The following CERT1 variants were observed in gnomAD, a reference collection of about 807,000 sequenced individuals.
The protein encoded by CERT1 is ceramide transfer protein.
CERT1 carries 31 observed loss-of-function variants against 87.9 expected under a neutral mutation model. The observed-to-expected ratio is 0.35, with a 90% confidence interval of 0.27 to 0.48. CERT1 has a LOEUF of 0.48. Among genes scored for constraint, CERT1 ranks in the 20% least tolerant of loss-of-function variants. The pLI is 0.99. For synonymous variants in CERT1, 289 were observed against 250.9 expected, an observed-to-expected ratio of 1.15 and a Z score of -1.44; for missense variants, 487 against 758.0, an observed-to-expected ratio of 0.64 and a Z score of 4.20.
chr5:75,481,450 G>GT (rs201564789), intron 2 of CERT1, among the ~76,000 whole-genome samples: 1,584 of 152,220 alleles, frequency 0.01, 28 homozygotes, highest in African/African-American at 0.037. Flanking sequence ...TTAAAATACG[G>GT]TAATATTTAG....
intron 6 of CERT1, among the ~76,000 whole-genome samples, chr5:75,419,025 A>G (rs1382222378): frequency 2.0e-5 from 3 of 152,346 alleles, no homozygotes; most frequent in Non-Finnish European, 4.4e-5. Context: ...CATCAACTCA[A>G]CAGAACTGAG....
At chr5:75,490,244 T>C (rs1444816808) in intron 2 of CERT1, among the ~76,000 whole-genome samples, 1 of 152,144 alleles carries the variant, frequency 6.6e-6, no homozygotes, top group Non-Finnish European at 1.5e-5. Context: ...ATACCTAGTG[T>C]AGATGACAGG....
At chr5:75,483,003 G>C (rs148572350) in intron 2 of CERT1, among the ~76,000 whole-genome samples, 2 of 152,268 alleles carry the variant, frequency 1.3e-5, no homozygotes, top group African/African-American at 4.8e-5. Context: ...ATAGCATTAA[G>C]AACATCCAGG....
At chr5:75,488,180 C>A (rs1418971826) in intron 2 of CERT1, among the ~76,000 whole-genome samples, 4 of 151,760 alleles carry the variant, frequency 2.6e-5, no homozygotes, top group Non-Finnish European at 5.9e-5. Flanking sequence ...ATTTACTGTA[C>A]ATTTAAAAAT....
intron 7 of CERT1, among the ~76,000 whole-genome samples, chr5:75,415,899 T>C (rs1763115130): frequency 6.6e-6 from 1 of 152,122 alleles, no homozygotes; most frequent in African/African-American, 2.4e-5. Context: ...AAAAGGATGT[T>C]TTCATTACCT....
intron 7 of CERT1, among the ~76,000 whole-genome samples, chr5:75,414,235 C>A (rs1763047473): frequency 6.6e-6 from 1 of 152,028 alleles, no homozygotes. Flanking sequence ...ATGATCACCT[C>A]TTGGGGTGGT....
intron 2 of CERT1, among the ~76,000 whole-genome samples, chr5:75,484,328 A>G: frequency 6.6e-6 from 1 of 151,920 alleles, no homozygotes; most frequent in East Asian, 1.9e-4. Context: ...CAGGAAAGAA[A>G]GAAAAAAAAG....
intron 3 of CERT1, among the ~76,000 whole-genome samples, chr5:75,455,443 A>C (rs1438438914): frequency 1.3e-5 from 2 of 152,194 alleles, no homozygotes; most frequent in Non-Finnish European, 2.9e-5. Flanking sequence ...TGTTGATTGT[A>C]ATGGTTCCTA....
At position 75,511,375 on chromosome 5, in the gene CERT1, G is replaced by A. The variant is rs5744540; in HGVS notation, c.-168C>T. 7.1e-6 allele frequency: 11 copies of A among 1,546,902 alleles called. No homozygotes were observed. Among genetic ancestry groups the A allele is most frequent in the Non-Finnish European group, 9.6e-6 (11 of 1,146,272 alleles). On this transcript the variant is annotated 5_prime_UTR_variant, in exon 1 of 17. Coordinates refer to ENST00000643780, the MANE Select transcript of CERT1 (RefSeq NM_001379029.1). ...GAAGTCCGCCCGCCGCGCCGCCGCC[G>A]CGCCTGACACCGAGCGGAGCGAGGA...
intron 3 of CERT1, among the ~76,000 whole-genome samples, chr5:75,450,579 G>A (rs1256253335): frequency 6.6e-6 from 1 of 152,178 alleles, no homozygotes; most frequent in Non-Finnish European, 1.5e-5. Context: ...TGAGTCTAGA[G>A]CCTTTTAAGG....
intron 15 of CERT1, 64 bp from the exon 16 acceptor site, chr5:75,381,265 T>C: frequency 6.3e-7 from 1 of 1,586,990 alleles, no homozygotes; most frequent in Non-Finnish European, 8.6e-7. Flanking sequence ...GCTGGTCTAA[T>C]ATTATATTAG....
chr5:75,506,228 C>T (rs1767644402), intron 1 of CERT1, 112 bp from the exon 2 acceptor site: 1 of 958,500 alleles, frequency 1.0e-6, no homozygotes, highest in African/African-American at 1.7e-5. Flanking sequence ...CGTGAAAAGT[C>T]CAACTTAATT....
chr5:75,377,369 T>C (rs1761362901), downstream of CERT1: 1 of 152,226 alleles, frequency 6.6e-6, no homozygotes, highest in Non-Finnish European at 1.5e-5. Flanking sequence ...GCAGGGCCAG[T>C]AGTACCACAT....
At chr5:75,510,156 G>A (rs796165111) in intron 1 of CERT1, among the ~76,000 whole-genome samples, 18 of 152,224 alleles carry the variant, frequency 1.2e-4, no homozygotes, top group African/African-American at 4.3e-4. Context: ...AGTATCTTAT[G>A]ACCAGCTTGT....
At chr5:75,370,618 T>A (rs978926465) in intron 17 of CERT1, 1 of 152,036 alleles carries the variant, frequency 6.6e-6, no homozygotes, top group Non-Finnish European at 1.5e-5. Flanking sequence ...ATTTATTACA[T>A]GTCATGTACT....
chr5:75,501,185 GA>G lies in CERT1; in HGVS notation c.231+4796del, dbSNP rs370740129. Reference sequence around the variant, plus strand: ...TTTTGATGTAGAGATGGGGTTCTATGAAGTTTCTTTAATTTTTCCAAGATCT... The same window carrying G: ...TTTTGATGTAGAGATGGGGTTCTATGAGTTTCTTTAATTTTTCCAAGATCT... On this transcript the variant is annotated intron_variant, in intron 2 of 16. Coordinates refer to ENST00000643780, the MANE Select transcript of CERT1 (RefSeq NM_001379029.1). 2.1e-3 allele frequency among the ~76,000 whole-genome samples: 315 copies of G among 152,066 alleles called. 1 individual carries two copies. In the East Asian group the frequency reaches 0.027, roughly 13 times the overall value.
In CERT1 at chr5:75,383,131, T is replaced by C. The variant is rs575344252; in HGVS notation, c.1489-1054A>G. Reference sequence around the variant, plus strand: ...GAATGGGGAGTTGTTGCTTAATGAGTACGGAGTTTCTGTTTGGGGTGATGA... The same window carrying C: ...GAATGGGGAGTTGTTGCTTAATGAGCACGGAGTTTCTGTTTGGGGTGATGA... On this transcript the variant is annotated intron_variant, in intron 14 of 16. Transcript: ENST00000643780. 2.1e-4 allele frequency among the ~76,000 whole-genome samples: 32 copies of C among 152,180 alleles called. 1 individual carries two copies. In the South Asian group the frequency reaches 6.6e-3, roughly 32 times the overall value.
At chr5:75,438,249 A>G (rs1048282575) in intron 3 of CERT1, among the ~76,000 whole-genome samples, 2 of 152,222 alleles carry the variant, frequency 1.3e-5, no homozygotes, top group Non-Finnish European at 2.9e-5. Context: ...TATAGGGACC[A>G]AAAGTAGTTC....
At position 75,467,247 on chromosome 5, in the gene CERT1, C is replaced by T. The variant is rs76162607; in HGVS notation, c.232-8066G>A. On this transcript the variant is annotated intron_variant, in intron 2 of 16. Coordinates refer to ENST00000643780, the MANE Select transcript of CERT1 (RefSeq NM_001379029.1). ...CTGTATGATTCCACTTTTATAAAAT[C>T]CTCAAGATAATAAAATTATGGGACT... Among the ~76,000 whole-genome samples, 317 of 152,248 alleles carry T rather than the reference C, an allele frequency of 2.1e-3. 1 individual carries two copies. The East Asian group carries it at 0.027, about 13-fold the overall frequency.
Sources: gnomAD v4.1 joint callset for allele counts (sites outside exome capture counted in the v4.1 genomes callset) on GRCh38, gnomAD v4.1.1 for gene constraint, MANE v1.5 for transcripts, NCBI Gene and HGNC (gene_info 2026-07-23, HGNC 2026-07-21) for gene names.